The following HHIPL1 variants were observed in gnomAD, a reference collection of about 807,000 sequenced individuals.
HHIPL1 encodes HHIP-like protein 1.
HHIPL1 carries 43 observed loss-of-function variants against 61.8 expected under a neutral mutation model. The observed-to-expected ratio is 0.70, with a 90% CI of 0.55 to 0.90. HHIPL1 has a LOEUF of 0.90. Among genes scored for constraint, HHIPL1 ranks in the 40% least tolerant of loss-of-function variants. The pLI is 0.00. For missense variants in HHIPL1, 1,056 were observed against 1,157.7 expected (o/e 0.91, Z 1.28); for synonymous variants, 482 against 515.8 (o/e 0.93, Z 0.89).
At chr14:99,640,253 T>G (rs2055733885), upstream of HHIPL1, among the ~76,000 whole-genome samples, 1 of 152,210 alleles carries the variant, frequency 6.6e-6, no homozygotes, top group South Asian at 2.1e-4. Flanking sequence ...GCAACACATA[T>G]TTTGTTTATG....
intron 2 of HHIPL1, among the ~76,000 whole-genome samples, chr14:99,655,557 G>A (rs903515014): frequency 7.9e-5 from 12 of 152,110 alleles, no homozygotes; most frequent in African/African-American, 2.9e-4. Flanking sequence ...CCAGGAGTTC[G>A]AGGCTACAGT....
the HHIPL1 span, among the ~76,000 whole-genome samples, chr14:99,634,350 C>G: frequency 0.94 from 143,217 of 152,108 alleles, 68,027 homozygotes; most frequent in East Asian, 1. Flanking sequence ...GGAAGTCCCC[C>G]GTGACGGCTC....
the HHIPL1 span, among the ~76,000 whole-genome samples, chr14:99,611,548 A>G: frequency 6.6e-6 from 1 of 151,198 alleles, no homozygotes; most frequent in Non-Finnish European, 1.5e-5. Flanking sequence ...GGCCTCCCAA[A>G]ATCCTGGGAT....
chr14:99,665,281 A>G (rs1566814996), intron 6 of HHIPL1, among the ~76,000 whole-genome samples: 1 of 152,186 alleles, frequency 6.6e-6, no homozygotes, highest in Non-Finnish European at 1.5e-5. Context: ...TTGGACAAAA[A>G]GGTCCTGACC....
upstream of HHIPL1, chr14:99,645,104 G>C: frequency 1.9e-6 from 2 of 1,053,846 alleles, no homozygotes; most frequent in Non-Finnish European, 2.4e-6. Context: ...TCGAGGCCCT[G>C]CGTGTAGGGA....
At chr14:99,633,263 G>A in the HHIPL1 span, among the ~76,000 whole-genome samples, 1 of 152,212 alleles carries the variant, frequency 6.6e-6, no homozygotes, top group Non-Finnish European at 1.5e-5. Context: ...TCACCCCCAG[G>A]GGAGGGTGCG....
intron 2 of HHIPL1, among the ~76,000 whole-genome samples, chr14:99,654,913 A>G (rs2056003180): frequency 6.6e-6 from 1 of 152,204 alleles, no homozygotes; most frequent in South Asian, 2.1e-4. Flanking sequence ...TTAAAAATGG[A>G]TTCCTGATAA....
At chr14:99,670,128 T>C (rs911618342) in intron 7 of HHIPL1, among the ~76,000 whole-genome samples, 2 of 151,948 alleles carry the variant, frequency 1.3e-5, no homozygotes, top group Admixed American at 6.6e-5. Flanking sequence ...TTTTTTTTTT[T>C]TGAGACGGAG....
intron 7 of HHIPL1, among the ~76,000 whole-genome samples, chr14:99,669,696 C>T (rs559858365): frequency 2.0e-5 from 3 of 151,628 alleles, no homozygotes; most frequent in Non-Finnish European, 2.9e-5. Context: ...AGGCTGAAGT[C>T]GGAGAGTTTC....
At chr14:99,662,433 C>T (rs1278228067) in intron 5 of HHIPL1, among the ~76,000 whole-genome samples, 1 of 152,184 alleles carries the variant, frequency 6.6e-6, no homozygotes, top group Non-Finnish European at 1.5e-5. Flanking sequence ...GCGCTGTGCC[C>T]TCTGTAGGAT....
At chr14:99,619,104 G>A in the HHIPL1 span, among the ~76,000 whole-genome samples, 58 of 152,002 alleles carry the variant, frequency 3.8e-4, no homozygotes, top group Admixed American at 1.6e-3. Context: ...TATCCCTCCC[G>A]ACACCCCGTG....
chr14:99,672,257 AGGCACCCTCAGG>A, intron 7 of HHIPL1, 48 bp from the exon 8 acceptor site: 1 of 1,376,868 alleles, frequency 7.3e-7, no homozygotes, highest in Non-Finnish European at 1.0e-6. Flanking sequence ...TGTAGAGAAA[AGGCACCCTCAGG>A]GTGGGCTCCC....
intron 3 of HHIPL1, among the ~76,000 whole-genome samples, chr14:99,659,129 A>G (rs1164491660): frequency 6.6e-6 from 1 of 152,122 alleles, no homozygotes; most frequent in African/African-American, 2.4e-5. Context: ...GGATCATACT[A>G]GGACACACCT....
At chr14:99,652,897 G>A (rs749181180) in intron 2 of HHIPL1, 27 bp downstream of exon 2, 1 of 1,601,226 alleles carries the variant, frequency 6.2e-7, no homozygotes, top group Non-Finnish European at 8.5e-7. Flanking sequence ...ACCCGGGCCT[G>A]GGTGGGGGCA....
Position 99,659,699 on chromosome 14 carries a change from C to T in HHIPL1, c.1318C>T (p.Arg440Cys), listed in dbSNP as rs200765336. The T allele has an allele frequency of 1.1e-5, 17 of 1,485,398 alleles. No individual in the cohort carries two copies. Among genetic ancestry groups the T allele is most frequent in the Non-Finnish European group, 1.5e-5 (17 of 1,123,752 alleles). 92.0% of individuals were successfully genotyped at this position (1,485,398 alleles called of 1,614,324 possible). ...VVERGGNYGW[R>C]AREGFECYDR... ...GGAGCGCGGCGGCAACTATGGCTGGCGCGCGCGCGAAGGGTTCGAGTGCTA... is the reference window on the plus strand; with the variant it reads ...GGAGCGCGGCGGCAACTATGGCTGGTGCGCGCGCGAAGGGTTCGAGTGCTA... Residue 440 changes from arginine (R) to cysteine (C), a missense_variant, in exon 4 of 9, where the codon CGC becomes TGC. Coordinates refer to ENST00000330710, the MANE Select transcript of HHIPL1 (RefSeq NM_001127258.3).
chr14:99,662,400 C>G lies in HHIPL1; in HGVS notation c.1503-476C>G, dbSNP rs187146426. Among the ~76,000 whole-genome samples, 135 of 152,318 alleles carry G rather than the reference C, an allele frequency of 8.9e-4. 1 individual carries two copies. The highest frequency in any genetic ancestry group is 1.1e-3 in the Non-Finnish European group (74 of 68,040). On this transcript the variant is annotated intron_variant, in intron 5 of 8. Transcript: ENST00000330710. ...TTGGAGCTCCAGTGCTTGGCAGGTT[C>G]TGAAACCAGTGAGCTCTTGAAAGCG...
At chr14:99,637,164 AAGAAAAAG>A in the HHIPL1 span, among the ~76,000 whole-genome samples, 1 of 139,878 alleles carries the variant, frequency 7.1e-6, no homozygotes, top group Non-Finnish European at 1.6e-5. Flanking sequence ...GAAAGAAAGA[AAGAAAAAG>A]AAAGAAAGAA....
the HHIPL1 span, among the ~76,000 whole-genome samples, chr14:99,628,140 G>A: frequency 1.8e-4 from 27 of 152,348 alleles, no homozygotes; most frequent in African/African-American, 6.5e-4. Flanking sequence ...AGGTCCTAAA[G>A]TGAGTGCTCC....
In HHIPL1 at chr14:99,680,037, C is replaced by T. The variant is rs117354393; in HGVS notation, c.*4411C>T. 5 of 152,160 alleles carry T rather than the reference C, an allele frequency of 3.3e-5. No individual in the cohort carries two copies. The highest frequency in any genetic ancestry group is 5.9e-5 in the Non-Finnish European group (4 of 68,030). 9.4% of individuals were successfully genotyped at this position (152,160 alleles called of 1,614,324 possible). On this transcript the variant is annotated 3_prime_UTR_variant, in exon 9 of 9. Coordinates refer to ENST00000330710, the MANE Select transcript of HHIPL1 (RefSeq NM_001127258.3). ...TCATTTAATCTTGACAACAGCTCCA[C>T]GAGACACCCTCAATATCACTGTCCC...
Sources: gnomAD v4.1 joint callset for allele counts (sites outside exome capture counted in the v4.1 genomes callset) on GRCh38, gnomAD v4.1.1 for gene constraint, MANE v1.5 for transcripts, NCBI Gene and HGNC (gene_info 2026-07-23, HGNC 2026-07-21) for gene names.